Variants in SPATA16 observed in about 807,000 individuals in gnomAD.
The protein encoded by SPATA16 is spermatogenesis associated 16, also known as spermatogenesis-associated protein 16.
In SPATA16, 36 loss-of-function variants were observed where a neutral mutation model predicts 63.3. That is an observed-to-expected ratio of 0.57 (90% CI 0.44 to 0.75). The LOEUF (loss-of-function observed/expected upper bound fraction) is 0.75. Among genes scored for constraint, SPATA16 ranks in the 30% least tolerant of loss-of-function variants. The pLI is 0.00. For synonymous variants in SPATA16, 203 were observed against 216.7 expected, an observed-to-expected ratio of 0.94 and a Z score of 0.56; for missense variants, 646 against 679.3, an observed-to-expected ratio of 0.95 and a Z score of 0.54.
chr3:173,117,196 G>C lies in SPATA16; in HGVS notation c.536C>G (p.Ala179Gly). ...LPQIDKWLQV[A>G]LKDASSCYRQ... ...ATAGCAAGAGCTGGCATCCTTTAAG[G>C]CTACCTGAAGCCATTTGTCAATCTG... The change falls in exon 2 of 11, where the codon GCC becomes GGC. Residue 179 changes from alanine to glycine, a missense_variant. Physicochemically the swap from Ala to Gly is moderately conservative, Grantham distance 60. Transcript: ENST00000351008. 6.2e-7 allele frequency: 1 copy of C among 1,614,096 alleles called. No individual in the cohort carries two copies. Among genetic ancestry groups the C allele is most frequent in the Non-Finnish European group, 8.5e-7 (1 of 1,179,992 alleles).
chr3:173,129,440 A>G (rs1009549470), intron 1 of SPATA16, among the ~76,000 whole-genome samples: 6 of 152,188 alleles, frequency 3.9e-5, no homozygotes, highest in African/African-American at 1.4e-4. Flanking sequence ...AAGATTGACA[A>G]AATAACATGT....
intron 4 of SPATA16, among the ~76,000 whole-genome samples, chr3:172,980,000 C>T (rs578227349): frequency 6.6e-6 from 1 of 152,166 alleles, no homozygotes; most frequent in Admixed American, 6.5e-5. Context: ...TTGCTCCAAG[C>T]CCCTTTTTCT....
chr3:172,920,079 A>G (rs903957718), intron 8 of SPATA16, among the ~76,000 whole-genome samples: 1 of 152,246 alleles, frequency 6.6e-6, no homozygotes, highest in Non-Finnish European at 1.5e-5. Context: ...GGCAAGGATC[A>G]TAACTTTAAA....
chr3:172,890,978 A>G (rs1731883533), intron 10 of SPATA16, among the ~76,000 whole-genome samples: 1 of 149,264 alleles, frequency 6.7e-6, no homozygotes, highest in African/African-American at 2.4e-5. Flanking sequence ...TATATATAAT[A>G]TGTGTATATA....
At chr3:172,919,849 T>G (rs1419680981) in intron 8 of SPATA16, among the ~76,000 whole-genome samples, 6 of 151,970 alleles carry the variant, frequency 3.9e-5, no homozygotes, top group Admixed American at 3.9e-4. Context: ...GACTATTTTT[T>G]TGTGTGTTTG....
At chr3:173,005,119 G>A (rs188379707) in intron 4 of SPATA16, among the ~76,000 whole-genome samples, 102 of 152,050 alleles carry the variant, frequency 6.7e-4, no homozygotes, top group African/African-American at 2.3e-3. Context: ...TCAGGAGATC[G>A]AGACCATCCT....
intron 6 of SPATA16, among the ~76,000 whole-genome samples, chr3:172,951,594 G>T (rs1733435229): frequency 6.6e-6 from 1 of 152,094 alleles, no homozygotes; most frequent in South Asian, 2.1e-4. Context: ...CCCTGACAAG[G>T]GTGACTGTGA....
intron 2 of SPATA16, among the ~76,000 whole-genome samples, chr3:173,077,205 T>C (rs188113587): frequency 5.9e-5 from 9 of 152,326 alleles, no homozygotes; most frequent in Admixed American, 3.9e-4. Flanking sequence ...TTTCTGTATC[T>C]TTCTACACTT....
intron 3 of SPATA16, among the ~76,000 whole-genome samples, chr3:173,025,048 G>A (rs1735421593): frequency 6.6e-6 from 1 of 150,726 alleles, no homozygotes. Context: ...AATTTCAAAA[G>A]GGTATTTTTT....
In SPATA16 at chr3:172,924,197, C is replaced by T. The variant is rs1421806392; in HGVS notation, c.1338+11G>A. 6.3e-7 allele frequency: 1 copy of T among 1,581,314 alleles called. No homozygotes were observed. Among genetic ancestry groups the T allele is most frequent in the Non-Finnish European group, 8.7e-7 (1 of 1,151,034 alleles). Reference sequence around the variant, plus strand: ...GTACATTGGACAAATATAAAAGACTCATATACCTACATTCAATTGGGTGCT... The same window carrying T: ...GTACATTGGACAAATATAAAAGACTTATATACCTACATTCAATTGGGTGCT... On this transcript the variant is annotated intron_variant, in intron 8 of 10. Transcript: ENST00000351008.
intron 3 of SPATA16, among the ~76,000 whole-genome samples, chr3:173,044,173 C>G (rs1157892007): frequency 6.6e-6 from 1 of 151,936 alleles, no homozygotes; most frequent in Non-Finnish European, 1.5e-5. Context: ...TTTTTTATAT[C>G]CTATTTTCTC....
intron 4 of SPATA16, among the ~76,000 whole-genome samples, chr3:172,993,212 A>AG (rs59360765): frequency 6.7e-6 from 1 of 149,468 alleles, no homozygotes; most frequent in East Asian, 1.9e-4. Context: ...GAAAAAAAAA[A>AG]GAGAGAAAAT....
intron 2 of SPATA16, among the ~76,000 whole-genome samples, chr3:173,079,937 A>T (rs1736888167): frequency 6.6e-6 from 1 of 152,194 alleles, no homozygotes; most frequent in African/African-American, 2.4e-5. Flanking sequence ...GCTGTAATAG[A>T]GTTGCCAGAT....
chr3:173,001,268 G>GT lies in SPATA16; in HGVS notation c.848+18217dup, dbSNP rs776040026. Among the ~76,000 whole-genome samples the GT allele has an allele frequency of 3.8e-3, 525 of 137,524 alleles. 2 individuals carry two copies. The highest frequency in any genetic ancestry group is 0.019 in the South Asian group (84 of 4,312). The allele number at this position is 137,524 out of a possible 152,430, so 90.2% of individuals were successfully genotyped here. On this transcript the variant is annotated intron_variant, in intron 4 of 10. Coordinates refer to ENST00000351008, the MANE Select transcript of SPATA16 (RefSeq NM_031955.6). The stretch of plus-strand genomic sequence containing the variant: ...TGAACTTGACCAATGCTTCTCAGTT[G>GT]TTTTTTTTTTTTTGTTTTCACCCTT...
At chr3:173,087,131 G>T (rs1737080333) in intron 2 of SPATA16, among the ~76,000 whole-genome samples, 1 of 152,128 alleles carries the variant, frequency 6.6e-6, no homozygotes, top group Non-Finnish European at 1.5e-5. Context: ...GGGTGTTGAA[G>T]TCTCCCACTG....
intron 4 of SPATA16, among the ~76,000 whole-genome samples, chr3:172,987,327 C>T (rs1734480103): frequency 6.6e-6 from 1 of 152,140 alleles, no homozygotes. Flanking sequence ...AGAGAAGCTT[C>T]CTTCGCACTC....
intron 10 of SPATA16, among the ~76,000 whole-genome samples, chr3:172,891,967 G>T (rs967069083): frequency 5.9e-5 from 9 of 152,022 alleles, no homozygotes; most frequent in African/African-American, 1.7e-4. Context: ...GCTCCATAAG[G>T]CAGGGACCAG....
chr3:172,930,218 C>A (rs1434402960), intron 6 of SPATA16, among the ~76,000 whole-genome samples: 3 of 152,210 alleles, frequency 2.0e-5, no homozygotes, highest in Non-Finnish European at 4.4e-5. Flanking sequence ...CATCACCTGC[C>A]TTTTTCACTG....
intron 3 of SPATA16, among the ~76,000 whole-genome samples, chr3:173,021,553 T>G (rs953508713): frequency 6.6e-6 from 1 of 152,130 alleles, no homozygotes; most frequent in Non-Finnish European, 1.5e-5. Context: ...TATTTTTTAT[T>G]ACTTCAGAAA....
Sources: gnomAD v4.1 joint callset for allele counts (sites outside exome capture counted in the v4.1 genomes callset) on GRCh38, gnomAD v4.1.1 for gene constraint, MANE v1.5 for transcripts, NCBI Gene and HGNC (gene_info 2026-07-23, HGNC 2026-07-21) for gene names.